The following RALYL variants were observed in gnomAD, a reference collection of about 807,000 sequenced individuals.
RALYL encodes RNA-binding Raly-like protein.
A neutral mutation model predicts 35.1 loss-of-function variants in RALYL; 29 were observed. The ratio of observed to expected loss-of-function variants is 0.83; its 90% CI spans 0.61 to 1.13. The LOEUF (loss-of-function observed/expected upper bound fraction) is 1.13, where lower values mean the gene tolerates loss of function less well. Ranked by LOEUF, RALYL falls within the 50% of genes most tolerant of loss-of-function variation. RALYL has a pLI of 0.00. For missense variants in RALYL, 359 were observed against 360.4 expected, an observed-to-expected ratio of 1.00 and a Z score of 0.03; for synonymous variants, 120 against 127.6, an observed-to-expected ratio of 0.94 and a Z score of 0.40.
chr8:84,777,099 A>C (rs141320506), intron 3 of RALYL, among the ~76,000 whole-genome samples: 1 of 152,346 alleles, frequency 6.6e-6, no homozygotes. Flanking sequence ...CCTGTTCATC[A>C]GATAACTCTA....
intron 2 of RALYL, among the ~76,000 whole-genome samples, chr8:84,756,963 A>G (rs1221191029): frequency 6.6e-6 from 1 of 152,096 alleles, no homozygotes; most frequent in African/African-American, 2.4e-5. Flanking sequence ...ATGTGAACAC[A>G]CCATTTTTAT....
At position 84,912,362 on chromosome 8, in the gene RALYL, A is replaced by C. The variant is rs570158547; in HGVS notation, c.859-8532A>C. Among the ~76,000 whole-genome samples, 8 of 152,180 alleles carry C rather than the reference A, an allele frequency of 5.3e-5. 1 individual carries two copies. In the East Asian group the frequency reaches 1.5e-3, roughly 29 times the overall value. ...CTAGGAACCAGAGACTAAGACCAAA[A>C]ATATATATTCCTTATTATGTAGAAG... On this transcript the variant is annotated intron_variant, in intron 8 of 8. Coordinates refer to ENST00000521268, the MANE Select transcript of RALYL (RefSeq NM_173848.7).
chr8:84,907,020 G>A (rs908299316), intron 8 of RALYL: 1 of 969,186 alleles, frequency 1.0e-6, no homozygotes, highest in African/African-American at 1.8e-5. Context: ...TGGAAAGCTG[G>A]TAAGAATTCT....
At chr8:84,765,242 C>T (rs1813636718) in intron 2 of RALYL, among the ~76,000 whole-genome samples, 1 of 152,168 alleles carries the variant, frequency 6.6e-6, no homozygotes, top group African/African-American at 2.4e-5. Flanking sequence ...CTGCTTTCCA[C>T]AGCCAAACTG....
chr8:84,698,947 G>A lies in RALYL; in HGVS notation c.257-75632G>A, dbSNP rs1046216025. On this transcript the variant is annotated intron_variant, in intron 2 of 8. Coordinates refer to ENST00000521268, the MANE Select transcript of RALYL (RefSeq NM_173848.7). ...CGCATCCTGCAAACACCTCAGAACC[G>A]TGTTTTGCTAGGAAGCTTTACCACT... Among the ~76,000 whole-genome samples, 26 of 152,116 alleles carry A rather than the reference G, an allele frequency of 1.7e-4. 1 individual carries two copies. Among genetic ancestry groups the A allele is most frequent in the South Asian group, 2.1e-4 (1 of 4,822 alleles).
At chr8:84,658,317 G>A (rs374477033) in intron 2 of RALYL, among the ~76,000 whole-genome samples, 13 of 152,282 alleles carry the variant, frequency 8.5e-5, no homozygotes, top group African/African-American at 3.1e-4. Context: ...GCTTCTGGAT[G>A]GAGGTTACAC....
At chr8:84,435,438 AAAC>A (rs1382770034) in intron 1 of RALYL, among the ~76,000 whole-genome samples, 1 of 152,174 alleles carries the variant, frequency 6.6e-6, no homozygotes, top group Non-Finnish European at 1.5e-5. Flanking sequence ...CAGTCTCCAA[AAAC>A]AACACTAAAT....
intron 4 of RALYL, among the ~76,000 whole-genome samples, chr8:84,817,691 A>T (rs1029307264): frequency 3.3e-5 from 5 of 152,002 alleles, no homozygotes; most frequent in African/African-American, 1.2e-4. Flanking sequence ...AGTAGCTGGA[A>T]CTATAGGCAT....
chr8:84,897,441 T>C (rs1365674), intron 8 of RALYL, among the ~76,000 whole-genome samples: 147,468 of 152,318 alleles, frequency 0.97, 71,423 homozygotes, highest in East Asian at 1. Flanking sequence ...TTGATTTCAG[T>C]TTGTTAAATT....
At chr8:84,585,216 TGTCA>T (rs1811725403) in intron 2 of RALYL, among the ~76,000 whole-genome samples, 1 of 152,208 alleles carries the variant, frequency 6.6e-6, no homozygotes, top group Non-Finnish European at 1.5e-5. Flanking sequence ...TATGCCATGA[TGTCA>T]GTCATTCTTT....
chr8:84,361,279 G>C (rs1279500319), intron 1 of RALYL, among the ~76,000 whole-genome samples: 1 of 152,138 alleles, frequency 6.6e-6, no homozygotes, highest in South Asian at 2.1e-4. Context: ...ACACAAGTTT[G>C]GTGTTTCAGC....
intron 2 of RALYL, among the ~76,000 whole-genome samples, chr8:84,540,938 T>C (rs2046313): frequency 0.36 from 54,551 of 151,760 alleles, 9,967 homozygotes; most frequent in South Asian, 0.51. Flanking sequence ...ATCAAATATA[T>C]TAGCATAAGA....
chr8:84,709,063 T>C (rs1841707958), intron 2 of RALYL, among the ~76,000 whole-genome samples: 1 of 152,192 alleles, frequency 6.6e-6, no homozygotes, highest in Non-Finnish European at 1.5e-5. Context: ...TGGAAATACT[T>C]GAGATCACTT....
chr8:84,501,595 A>G (rs999960513), intron 1 of RALYL, among the ~76,000 whole-genome samples: 5 of 151,958 alleles, frequency 3.3e-5, no homozygotes, highest in Non-Finnish European at 7.4e-5. Flanking sequence ...GTAAACCAAC[A>G]TATACAAATT....
chr8:84,732,682 A>ATGTGTATG, intron 2 of RALYL, among the ~76,000 whole-genome samples: 1 of 139,776 alleles, frequency 7.2e-6, no homozygotes, highest in South Asian at 2.1e-4. Context: ...ATATATATAT[A>ATGTGTATG]TACACACACA....
chr8:84,545,051 CT>C (rs761949483), intron 2 of RALYL, among the ~76,000 whole-genome samples: 1 of 151,944 alleles, frequency 6.6e-6, no homozygotes, highest in African/African-American at 2.4e-5. Flanking sequence ...AAAAACTTGC[CT>C]TTTTTTCTCC....
intron 1 of RALYL, among the ~76,000 whole-genome samples, chr8:84,337,832 AT>A (rs936998533): frequency 1.3e-5 from 2 of 152,060 alleles, no homozygotes; most frequent in African/African-American, 4.8e-5. Flanking sequence ...AATGCATAGA[AT>A]TTTCCCCTTA....
chr8:84,538,500 A>ATT (rs2059774924), intron 2 of RALYL, among the ~76,000 whole-genome samples: 1 of 152,158 alleles, frequency 6.6e-6, no homozygotes, highest in African/African-American at 2.4e-5. Flanking sequence ...TCAACACTAC[A>ATT]TTTGTTGTTT....
At chr8:84,629,633 T>C (rs1823492814) in intron 2 of RALYL, among the ~76,000 whole-genome samples, 1 of 152,002 alleles carries the variant, frequency 6.6e-6, no homozygotes, top group Non-Finnish European at 1.5e-5. Context: ...TCAGCTCATA[T>C]GACAGAACAG....
Sources: gnomAD v4.1 joint callset for allele counts (sites outside exome capture counted in the v4.1 genomes callset) on GRCh38, gnomAD v4.1.1 for gene constraint, MANE v1.5 for transcripts, NCBI Gene and HGNC (gene_info 2026-07-23, HGNC 2026-07-21) for gene names.